Variants in LCORL observed in about 807,000 individuals in gnomAD.
LCORL encodes ligand dependent nuclear receptor corepressor like, also known as ligand-dependent nuclear receptor corepressor-like protein.
Under a neutral mutation model 141.8 loss-of-function variants are expected in LCORL, and 41 were observed. That is an observed-to-expected ratio of 0.29 (90% confidence interval 0.23 to 0.38). LCORL has a LOEUF of 0.38. Among genes scored for constraint, LCORL ranks in the 10% least tolerant of loss-of-function variants. The pLI is 1.00. For synonymous variants in LCORL, 618 were observed against 694.1 expected (o/e 0.89, Z 1.72); for missense variants, 1,759 against 2,035.0 (o/e 0.86, Z 2.61).
chr4:17,963,026 C>T, exon 3 of LCORL: 2 of 1,594,296 alleles, frequency 1.3e-6, no homozygotes, highest in Non-Finnish European at 1.7e-6. Context: ...ATAGACCAGT[C>T]AGTCAGCTCT....
chr4:17,885,941 C>T, intron 6 of LCORL, 127 bp downstream of exon 6: 1 of 427,796 alleles, frequency 2.3e-6, no homozygotes, highest in Non-Finnish European at 4.1e-6. Flanking sequence ...GAGAGAGAGA[C>T]ACTTATGAGT....
At chr4:17,890,305 A>T (rs1289405218) in intron 5 of LCORL, among the ~76,000 whole-genome samples, 1 of 152,080 alleles carries the variant, frequency 6.6e-6, no homozygotes, top group Non-Finnish European at 1.5e-5. Flanking sequence ...TAAGTGAAAA[A>T]GACAGTGTAT....
intron 1 of LCORL, among the ~76,000 whole-genome samples, chr4:17,988,235 T>C (rs1719352066): frequency 6.6e-6 from 1 of 152,160 alleles, no homozygotes; most frequent in Admixed American, 6.5e-5. Context: ...CCAGTAAGCC[T>C]CTTTTCTTTT....
intron 5 of LCORL, 75 bp from the exon 6 acceptor site, chr4:17,886,236 T>C: frequency 1.3e-6 from 1 of 798,002 alleles, no homozygotes; most frequent in Non-Finnish European, 2.2e-6. Context: ...ATTTCATATT[T>C]TGTTGATCTA....
intron 4 of LCORL, among the ~76,000 whole-genome samples, chr4:17,930,968 T>C (rs1184781281): frequency 6.6e-6 from 1 of 152,204 alleles, no homozygotes; most frequent in East Asian, 1.9e-4. Flanking sequence ...CTTGGTGCTT[T>C]TACTGAGCTT....
chr4:17,842,585 G>T, exon 8 of LCORL: 2 of 520,118 alleles, frequency 3.8e-6, no homozygotes, highest in Non-Finnish European at 7.0e-6. Flanking sequence ...CCTATTAGCT[G>T]GCATGGTCTT....
chr4:17,923,107 G>C (rs2109382793), intron 4 of LCORL, among the ~76,000 whole-genome samples: 1 of 152,214 alleles, frequency 6.6e-6, no homozygotes, highest in East Asian at 1.9e-4. Flanking sequence ...TCCATGATGA[G>C]GTGTGCTACA....
chr4:18,011,431 A>T (rs1032055422), intron 1 of LCORL, among the ~76,000 whole-genome samples: 22 of 146,114 alleles, frequency 1.5e-4, no homozygotes, highest in African/African-American at 5.6e-4. Context: ...ACCCATTTTA[A>T]AAAAAAAAAA....
At chr4:17,874,590 TCTC>T in exon 7 of LCORL, 1 of 1,233,768 alleles carries the variant, frequency 8.1e-7, no homozygotes, top group Non-Finnish European at 1.0e-6. Flanking sequence ...TTCAATGTGT[TCTC>T]TTTTTTTATG....
intron 4 of LCORL, among the ~76,000 whole-genome samples, chr4:17,948,701 A>G (rs878935631): frequency 6.6e-6 from 1 of 152,016 alleles, no homozygotes; most frequent in Admixed American, 6.6e-5. Flanking sequence ...CCTTAAGAGA[A>G]TAACATTTAA....
At chr4:17,858,593 T>C (rs987643939) in intron 7 of LCORL, among the ~76,000 whole-genome samples, 1 of 149,150 alleles carries the variant, frequency 6.7e-6, no homozygotes, top group Non-Finnish European at 1.5e-5. Context: ...CCAGGCATGG[T>C]GGGGCATGCC....
At chr4:17,916,281 A>G (rs559269843) in intron 4 of LCORL, among the ~76,000 whole-genome samples, 34 of 152,318 alleles carry the variant, frequency 2.2e-4, no homozygotes, top group African/African-American at 8.2e-4. Flanking sequence ...GCAGCAACTG[A>G]TTAAAGCCTT....
chr4:17,874,555 G>A, exon 7 of LCORL: 1 of 1,233,514 alleles, frequency 8.1e-7, no homozygotes, highest in Non-Finnish European at 1.0e-6. Context: ...GTTTCCAAAG[G>A]GCTTGCTACT....
intron 7 of LCORL, among the ~76,000 whole-genome samples, chr4:17,864,339 C>T (rs753667477): frequency 7.9e-5 from 12 of 152,070 alleles, no homozygotes; most frequent in Non-Finnish European, 1.5e-4. Flanking sequence ...ATCCTCCTGC[C>T]CCAGCCTCCC....
At chr4:17,937,305 A>C (rs1234705959) in intron 4 of LCORL, among the ~76,000 whole-genome samples, 2 of 152,220 alleles carry the variant, frequency 1.3e-5, no homozygotes, top group Non-Finnish European at 2.9e-5. Context: ...CAGCCATACT[A>C]TATCAGACAA....
chr4:17,896,583 G>A (rs779601649), intron 5 of LCORL, among the ~76,000 whole-genome samples: 1 of 152,022 alleles, frequency 6.6e-6, no homozygotes, highest in Non-Finnish European at 1.5e-5. Context: ...CGCCTGGCCT[G>A]TGTTTCTTTT....
intron 7 of LCORL, among the ~76,000 whole-genome samples, chr4:17,857,339 G>C (rs1388580701): frequency 1.3e-5 from 2 of 152,188 alleles, no homozygotes; most frequent in Non-Finnish European, 2.9e-5. Context: ...GATAAATACT[G>C]ATCAGTGGAT....
exon 7 of LCORL, chr4:17,876,578 G>A: frequency 8.1e-7 from 1 of 1,230,570 alleles, no homozygotes; most frequent in East Asian, 3.2e-5. Context: ...TTTTTGTTGT[G>A]GATTCGGATA....
chr4:17,875,077 T>C (rs557059628), exon 7 of LCORL: 852 of 1,233,726 alleles, frequency 6.9e-4, no homozygotes, highest in Non-Finnish European at 7.8e-4. Flanking sequence ...TGCCTTATTT[T>C]ATCCATTTGA....
Sources: gnomAD v4.1 joint callset for allele counts (sites outside exome capture counted in the v4.1 genomes callset) on GRCh38, gnomAD v4.1.1 for gene constraint, MANE v1.5 for transcripts, NCBI Gene and HGNC (gene_info 2026-07-23, HGNC 2026-07-21) for gene names.